The following MCCC1 variants were observed in gnomAD, a reference collection of about 807,000 sequenced individuals.
The protein encoded by MCCC1 is methylcrotonyl-CoA carboxylase subunit 1, also known as methylcrotonoyl-CoA carboxylase subunit alpha, mitochondrial.
A neutral mutation model predicts 83.8 loss-of-function variants in MCCC1; 64 were observed. That is an observed-to-expected ratio of 0.76 (90% CI 0.62 to 0.94). The LOEUF (loss-of-function observed/expected upper bound fraction) is 0.94. Among genes scored for constraint, MCCC1 ranks in the 40% least tolerant of loss-of-function variants. The probability of loss-of-function intolerance (pLI) is 0.00; values close to 1 mark genes in which losing one functional copy is unlikely to be tolerated. For synonymous variants in MCCC1, 322 were observed against 315.4 expected (o/e 1.02, Z -0.22); for missense variants, 807 against 904.7 (o/e 0.89, Z 1.39).
intron 18 of MCCC1, among the ~76,000 whole-genome samples, chr3:183,016,753 A>T (rs1711675022): frequency 6.6e-6 from 1 of 152,264 alleles, no homozygotes; most frequent in South Asian, 2.1e-4. Flanking sequence ...TTGTAAGTTG[A>T]GGACTGTCTG....
chr3:183,023,147 T>A (rs551545800), intron 15 of MCCC1, among the ~76,000 whole-genome samples: 319 of 152,336 alleles, frequency 2.1e-3, no homozygotes, highest in Middle Eastern at 6.8e-3. Context: ...TTCACAATGT[T>A]TCAAGGAAGC....
At chr3:183,090,955 T>C (rs757868284) in intron 3 of MCCC1, 5 of 456,384 alleles carry the variant, frequency 1.1e-5, no homozygotes, top group African/African-American at 2.0e-5. Flanking sequence ...GAAAGATGGA[T>C]GCAGACATAA....
rs1382740958 is a variant in MCCC1 at position 183,037,260 on chromosome 3, T to C, written c.1552A>G (p.Lys518Glu). 3 of 1,614,062 alleles carry C rather than the reference T, an allele frequency of 1.9e-6. No homozygotes were observed. Among genetic ancestry groups the C allele is most frequent in the Admixed American group, 3.3e-5 (2 of 60,018 alleles). Residue 518 changes from lysine (K) to glutamate (E), a missense_variant, in exon 13 of 19, where the codon AAG becomes GAG. By Grantham distance (56) the Lys-to-Glu change is moderately conservative (BLOSUM62 1). Transcript: ENST00000265594. ...LCQAALGLIL[K>E]EKAMTDTFTL... is the part of the protein sequence containing the mutation. ...AAAGTGTCGGTCATGGCTTTCTCCT[T>C]GAGGATGAGACCCAGGGCTGCCTGG... is the stretch of plus-strand genomic sequence containing the variant.
chr3:183,105,372 A>G (rs771756219), intron 1 of MCCC1, among the ~76,000 whole-genome samples: 1 of 152,212 alleles, frequency 6.6e-6, no homozygotes, highest in Non-Finnish European at 1.5e-5. Flanking sequence ...ATGCAGAAAA[A>G]CAATGAATTA....
At chr3:183,071,858 T>C (rs1716719205) in intron 5 of MCCC1, among the ~76,000 whole-genome samples, 1 of 139,180 alleles carries the variant, frequency 7.2e-6, no homozygotes, top group African/African-American at 2.6e-5. Context: ...TGTGTCACCA[T>C]ACCCAGCTGA....
rs565070612 is a variant in MCCC1, at chr3:183,037,987, T to C, written c.1378-553A>G. ...ATACACCAATAAATGGGATCAAAAG[T>C]AAAACCAGCTATCTGAGCTTTGGGT... On this transcript the variant is annotated intron_variant, in intron 12 of 18. Transcript: ENST00000265594. 2.6e-5 allele frequency among the ~76,000 whole-genome samples: 4 copies of C among 152,268 alleles called. 1 individual carries two copies. In the East Asian group the frequency reaches 7.7e-4, roughly 29 times the overall value.
At chr3:183,051,670 G>C (rs1560235135) in intron 9 of MCCC1, among the ~76,000 whole-genome samples, 1 of 151,866 alleles carries the variant, frequency 6.6e-6, no homozygotes, top group Non-Finnish European at 1.5e-5. Flanking sequence ...CTATGGACTT[G>C]GGTGATAATG....
At chr3:183,065,368 T>C (rs1716177625) in intron 7 of MCCC1, among the ~76,000 whole-genome samples, 1 of 152,200 alleles carries the variant, frequency 6.6e-6, no homozygotes, top group African/African-American at 2.4e-5. Flanking sequence ...CTTCTGTTTG[T>C]CTGTGTATTT....
upstream of MCCC1, among the ~76,000 whole-genome samples, chr3:183,102,809 C>T (rs1318932497): frequency 3.4e-5 from 2 of 58,662 alleles, no homozygotes; most frequent in African/African-American, 5.6e-5. Context: ...TTTTTTGAGA[C>T]GAAGTCTCTC....
chr3:183,081,612 G>C (rs1413307699), intron 4 of MCCC1, among the ~76,000 whole-genome samples: 1 of 152,172 alleles, frequency 6.6e-6, no homozygotes, highest in Non-Finnish European at 1.5e-5. Context: ...GATGTGCTTT[G>C]GTCAAGGAAT....
At chr3:183,040,378 T>C (rs1380563653) in intron 11 of MCCC1, among the ~76,000 whole-genome samples, 2 of 151,882 alleles carry the variant, frequency 1.3e-5, no homozygotes, top group Non-Finnish European at 2.9e-5. Flanking sequence ...TTATGCTGTT[T>C]AAATCTACCT....
chr3:183,091,619 C>T (rs1464261156), intron 3 of MCCC1, among the ~76,000 whole-genome samples: 2 of 151,990 alleles, frequency 1.3e-5, no homozygotes, highest in Non-Finnish European at 2.9e-5. Context: ...AGTAATAACT[C>T]ACCCGTAACA....
chr3:183,113,589 A>T (rs910265117), intron 1 of MCCC1, among the ~76,000 whole-genome samples: 11 of 151,462 alleles, frequency 7.3e-5, no homozygotes, highest in East Asian at 3.9e-4. Context: ...AATAAAAAAT[A>T]AAAAAAAGGA....
At chr3:183,027,662 G>A (rs1288702088) in intron 14 of MCCC1, among the ~76,000 whole-genome samples, 2 of 152,060 alleles carry the variant, frequency 1.3e-5, no homozygotes, top group African/African-American at 4.8e-5. Context: ...TAATAATAAT[G>A]ATAATAATAA....
chr3:183,113,819 G>A (rs950014421), intron 1 of MCCC1, among the ~76,000 whole-genome samples: 2 of 152,072 alleles, frequency 1.3e-5, no homozygotes, highest in African/African-American at 4.8e-5. Context: ...AGGGAGTTGT[G>A]GAAATCCTGA....
At chr3:183,102,271 C>G (rs992431359), upstream of MCCC1, among the ~76,000 whole-genome samples, 3 of 152,076 alleles carry the variant, frequency 2.0e-5, no homozygotes, top group Non-Finnish European at 4.4e-5. Flanking sequence ...GAGACTGAGG[C>G]AGGATCACTT....
intron 4 of MCCC1, among the ~76,000 whole-genome samples, chr3:183,083,714 G>GA (rs1228445715): frequency 6.6e-6 from 1 of 152,038 alleles, no homozygotes; most frequent in Non-Finnish European, 1.5e-5. Flanking sequence ...AATGGTCTCA[G>GA]AAAAATGGTC....
intron 9 of MCCC1, 92 bp from the exon 10 acceptor site, chr3:183,045,632 T>C (rs1714498475): frequency 4.5e-6 from 6 of 1,340,204 alleles, no homozygotes; most frequent in Non-Finnish European, 5.3e-6. Flanking sequence ...GTTTTACCGC[T>C]GTCTTCATTC....
intron 8 of MCCC1, among the ~76,000 whole-genome samples, chr3:183,052,949 TAA>T (rs71185625): frequency 6.6e-6 from 1 of 151,220 alleles, no homozygotes; most frequent in East Asian, 1.9e-4. Flanking sequence ...CCCTTTTACT[TAA>T]AAAAAAAAGT....
Sources: allele counts gnomAD v4.1 joint callset (sites outside exome capture counted in the v4.1 genomes callset), GRCh38; gene constraint gnomAD v4.1.1; transcripts MANE v1.5; gene names NCBI Gene and HGNC (gene_info 2026-07-23, HGNC 2026-07-21).